Variants in PRKN observed in about 807,000 individuals in gnomAD.
PRKN encodes parkin RBR E3 ubiquitin protein ligase.
PRKN carries 56 observed loss-of-function variants against 59.5 expected under a neutral mutation model. The ratio of observed to expected loss-of-function variants is 0.94; its 90% CI spans 0.76 to 1.18. The LOEUF (loss-of-function observed/expected upper bound fraction) is 1.18, where lower values mean the gene tolerates loss of function less well. Ranked by LOEUF, PRKN falls within the 50% of genes most tolerant of loss-of-function variation. The pLI, the probability that PRKN is intolerant of heterozygous loss-of-function variation, is 0.00. For missense variants in PRKN, 657 were observed against 596.4 expected (o/e 1.10, Z -1.06); for synonymous variants, 250 against 222.1 (o/e 1.13, Z -1.12).
intron 3 of PRKN, among the ~76,000 whole-genome samples, chr6:162,203,385 G>A (rs1260664612): frequency 6.6e-6 from 1 of 152,118 alleles, no homozygotes; most frequent in Non-Finnish European, 1.5e-5. Context: ...GTCTAAGGAA[G>A]ATCAAGGTCA....
intron 2 of PRKN, among the ~76,000 whole-genome samples, chr6:162,331,920 TCAAAACTTTAATGA>T (rs1238034828): frequency 6.6e-6 from 1 of 152,302 alleles, no homozygotes; most frequent in Non-Finnish European, 1.5e-5. Flanking sequence ...ACCAATAAAG[TCAAAACTTTAATGA>T]CTTTTAGTGG....
intron 4 of PRKN, among the ~76,000 whole-genome samples, chr6:162,091,994 C>T (rs1264451812): frequency 2.0e-5 from 3 of 150,150 alleles, no homozygotes; most frequent in Non-Finnish European, 3.0e-5. Context: ...TGTGATTGGG[C>T]CACTGCACTC....
chr6:161,435,554 G>A (rs180962228), intron 9 of PRKN, among the ~76,000 whole-genome samples: 2 of 151,760 alleles, frequency 1.3e-5, no homozygotes, highest in African/African-American at 2.4e-5. Flanking sequence ...AATAATGTAG[G>A]TGTCATTGCT....
intron 1 of PRKN, among the ~76,000 whole-genome samples, chr6:162,560,241 G>GT (rs1490593273): frequency 6.6e-6 from 1 of 152,148 alleles, no homozygotes; most frequent in Non-Finnish European, 1.5e-5. Flanking sequence ...AACCTTAGAA[G>GT]TTTCTATTTG....
At chr6:161,967,941 G>A (rs1780643045) in intron 6 of PRKN, among the ~76,000 whole-genome samples, 1 of 152,102 alleles carries the variant, frequency 6.6e-6, no homozygotes, top group Non-Finnish European at 1.5e-5. Flanking sequence ...TCTCAGGGAG[G>A]GTGAAGGACT....
intron 7 of PRKN, among the ~76,000 whole-genome samples, chr6:161,733,783 A>AAAAAAAAAT (rs35360887): frequency 2.3e-5 from 2 of 86,228 alleles, no homozygotes; most frequent in African/African-American, 1.8e-4. Flanking sequence ...AAAAAAAAAA[A>AAAAAAAAAT]ATATATATAT....
intron 2 of PRKN, among the ~76,000 whole-genome samples, chr6:162,330,484 G>A (rs138134536): frequency 4.5e-4 from 69 of 152,248 alleles, no homozygotes; most frequent in African/African-American, 1.1e-3. Flanking sequence ...TTGGTTCAGC[G>A]CATAATTCCA....
chr6:161,947,853 T>C (rs9458424), intron 6 of PRKN, among the ~76,000 whole-genome samples: 14,426 of 152,274 alleles, frequency 0.095, 859 homozygotes, highest in African/African-American at 0.16. Context: ...ACACCTTTTT[T>C]ATGGATTAGA....
rs1480337157 is a variant in PRKN at position 161,448,024 on chromosome 6, T to C, written c.1084-61147A>G. Among the ~76,000 whole-genome samples the C allele has an allele frequency of 2.6e-5, 4 of 152,120 alleles. No individual in the cohort carries two copies. Among genetic ancestry groups the C allele is most frequent in the African/African-American group, 7.2e-5 (3 of 41,412 alleles). On this transcript the variant is annotated intron_variant, in intron 9 of 11. Transcript: ENST00000366898. This position sits in a 1 kb window ranked among gnomAD's most constrained non-coding sequence, Gnocchi z 5.1. ...AAACCAGACTGAATGATGTGGGAGGTAGGGACCTTGGTCATTGTTATCTCT... is the reference window on the plus strand; with the variant it reads ...AAACCAGACTGAATGATGTGGGAGGCAGGGACCTTGGTCATTGTTATCTCT...
chr6:162,541,541 C>T (rs971168856), intron 1 of PRKN, among the ~76,000 whole-genome samples: 13 of 152,162 alleles, frequency 8.5e-5, no homozygotes, highest in Non-Finnish European at 7.4e-5. Context: ...ATGAAAATCC[C>T]CAGGCCTCTC....
chr6:162,602,471 G>C, intron 1 of PRKN, among the ~76,000 whole-genome samples: 1 of 152,196 alleles, frequency 6.6e-6, no homozygotes, highest in East Asian at 1.9e-4. Context: ...TTAAGAGTTT[G>C]TTGTGAAGGC....
chr6:162,193,794 T>C (rs773563732), intron 4 of PRKN, among the ~76,000 whole-genome samples: 1 of 152,162 alleles, frequency 6.6e-6, no homozygotes, highest in Non-Finnish European at 1.5e-5. Flanking sequence ...TGGTCTTTGG[T>C]GTCCTGAGCT....
chr6:161,649,292 C>G (rs961161566), intron 7 of PRKN, among the ~76,000 whole-genome samples: 8 of 152,172 alleles, frequency 5.3e-5, no homozygotes, highest in African/African-American at 1.9e-4. Flanking sequence ...CTCTTGCTTG[C>G]CTTAGGGCTG....
rs1779021801 is a variant in PRKN, at chr6:161,526,510, A to G, written c.1083+22344T>C. ...GTCTTGCTAATTCTTTCTTGTTTAC[A>G]TGCTATAACCATTAGAAGCTCTGCT... On this transcript the variant is annotated intron_variant, in intron 9 of 11. Coordinates refer to ENST00000366898, the MANE Select transcript of PRKN (RefSeq NM_004562.3). This position sits in a 1 kb window ranked among gnomAD's most constrained non-coding sequence, Gnocchi z 4.1. 6.6e-6 allele frequency among the ~76,000 whole-genome samples: 1 copy of G among 151,700 alleles called. No individual in the cohort carries two copies. Among genetic ancestry groups the G allele is most frequent in the South Asian group, 2.1e-4 (1 of 4,822 alleles).
At chr6:162,496,291 G>T (rs1337266094) in intron 1 of PRKN, among the ~76,000 whole-genome samples, 1 of 152,142 alleles carries the variant, frequency 6.6e-6, no homozygotes, top group East Asian at 1.9e-4. Flanking sequence ...TGATTGTAGA[G>T]AATTCTGCTG....
At chr6:162,016,040 C>T (rs1324751772) in intron 5 of PRKN, among the ~76,000 whole-genome samples, 2 of 152,042 alleles carry the variant, frequency 1.3e-5, no homozygotes, top group Admixed American at 6.6e-5. Flanking sequence ...AGATGAAGGT[C>T]TCCATCTGGC....
intron 1 of PRKN, among the ~76,000 whole-genome samples, chr6:162,502,858 C>T (rs935792835): frequency 2.6e-5 from 4 of 152,062 alleles, no homozygotes; most frequent in Non-Finnish European, 4.4e-5. Flanking sequence ...TCCAGCAGAA[C>T]CAGTGTCTCT....
intron 7 of PRKN, among the ~76,000 whole-genome samples, chr6:161,646,162 C>G (rs1582940579): frequency 2.9e-5 from 2 of 69,268 alleles, no homozygotes; most frequent in African/African-American, 5.7e-5. Flanking sequence ...GGCGGCGTAT[C>G]AGTGACAGTG....
intron 3 of PRKN, among the ~76,000 whole-genome samples, chr6:162,248,116 C>G (rs1267334625): frequency 1.3e-5 from 2 of 152,082 alleles, no homozygotes; most frequent in African/African-American, 2.4e-5. Context: ...TAATCACCTC[C>G]CCACTACAGA....
Sources: gnomAD v4.1 joint callset for allele counts (sites outside exome capture counted in the v4.1 genomes callset) on GRCh38, gnomAD v4.1.1 for gene constraint, Gnocchi (gnomAD v3.1) non-coding constraint, MANE v1.5 for transcripts, NCBI Gene and HGNC (gene_info 2026-07-23, HGNC 2026-07-21) for gene names.